The following TRPC6 variants were observed in gnomAD, a reference collection of about 807,000 sequenced individuals.
TRPC6 encodes the protein transient receptor potential cation channel subfamily C member 6.
In TRPC6, 55 loss-of-function variants were observed where a neutral mutation model predicts 90.7. That is an observed-to-expected ratio of 0.61 (90% CI 0.49 to 0.76). The LOEUF is 0.76. TRPC6 is among the 30% of genes least tolerant of loss of function. TRPC6 has a pLI of 0.00. For missense variants in TRPC6, 989 were observed against 1,122.7 expected (o/e 0.88, Z 1.70); for synonymous variants, 393 against 393.0 (o/e 1.00, Z 0.00).
At chr11:101,581,209 T>C (rs971576434) in intron 1 of TRPC6, among the ~76,000 whole-genome samples, 4 of 152,240 alleles carry the variant, frequency 2.6e-5, no homozygotes, top group Non-Finnish European at 4.4e-5. Context: ...CAGTTCTATT[T>C]ATTAAGAATA....
intron 1 of TRPC6, among the ~76,000 whole-genome samples, chr11:101,556,028 G>A (rs1861553402): frequency 6.6e-6 from 1 of 152,118 alleles, no homozygotes; most frequent in Non-Finnish European, 1.5e-5. Context: ...GCAAATGAAA[G>A]TGGAAACACA....
chr11:101,540,593 G>A (rs1861146151), intron 1 of TRPC6, among the ~76,000 whole-genome samples: 1 of 152,012 alleles, frequency 6.6e-6, no homozygotes. Flanking sequence ...ATAATTCAGA[G>A]GTCACAGCCA....
intron 2 of TRPC6, among the ~76,000 whole-genome samples, chr11:101,502,585 A>G (rs1438998245): frequency 6.6e-6 from 1 of 152,246 alleles, no homozygotes; most frequent in Non-Finnish European, 1.5e-5. Context: ...GATTTTGAAA[A>G]TAATTAATAT....
At chr11:101,535,035 G>A (rs568407465) in intron 1 of TRPC6, among the ~76,000 whole-genome samples, 8 of 152,012 alleles carry the variant, frequency 5.3e-5, no homozygotes, top group South Asian at 2.1e-4. Flanking sequence ...GCATGGTAGC[G>A]CATGCCTCTA....
At chr11:101,468,207 C>T (rs894838375) in intron 10 of TRPC6, among the ~76,000 whole-genome samples, 1 of 152,094 alleles carries the variant, frequency 6.6e-6, no homozygotes, top group African/African-American at 2.4e-5. Context: ...GCCCTTCTCA[C>T]CTGTAATATT....
chr11:101,476,604 T>C (rs1859423238), intron 5 of TRPC6, 70 bp from the exon 6 acceptor site: 2 of 1,394,206 alleles, frequency 1.4e-6, no homozygotes, highest in African/African-American at 1.4e-5. Flanking sequence ...AAACAAAATA[T>C]GTTTGAAAGG....
rs138468235 is a variant in TRPC6, at chr11:101,491,421, G to A, written c.1128+135C>T. On this transcript the variant is annotated intron_variant, in intron 3 of 12. Transcript: ENST00000344327. Reference sequence around the variant, plus strand: ...TGCACTCCAGACTGGGCGACAGAGCGAGACTCCATCTCAAAAAAAAAAAAA... The same window carrying A: ...TGCACTCCAGACTGGGCGACAGAGCAAGACTCCATCTCAAAAAAAAAAAAA... 1,411 of 1,165,274 alleles carry A rather than the reference G, an allele frequency of 1.2e-3. 10 individuals carry two copies. The African/African-American group carries it at 0.016, about 13-fold the overall frequency. The allele number at this position is 1,165,274 out of a possible 1,614,324, so 72.2% of individuals were successfully genotyped here.
chr11:101,484,594 TA>T (rs1859630997), intron 4 of TRPC6, among the ~76,000 whole-genome samples: 2 of 105,696 alleles, frequency 1.9e-5, no homozygotes, highest in African/African-American at 4.1e-5. Context: ...TCTCTCATGC[TA>T]TGTGTGTGTG....
intron 1 of TRPC6, among the ~76,000 whole-genome samples, chr11:101,546,353 TGAGCC>T (rs1417938095): frequency 2.1e-4 from 14 of 65,622 alleles, no homozygotes; most frequent in Admixed American, 3.6e-4. Flanking sequence ...ATTACAGGCG[TGAGCC>T]ACCGCACCCG....
In TRPC6 at chr11:101,455,077, T is replaced by A. The variant is rs1485564052; in HGVS notation, c.2509A>T (p.Ile837Leu). The A allele has an allele frequency of 3.1e-6, 5 of 1,612,560 alleles. No homozygotes were observed. The highest frequency in any genetic ancestry group is 2.5e-6 in the Non-Finnish European group (3 of 1,179,016). ...AGATGGAAATCTTCTGAGCTCCTTA[T>A]ACTTGGTTGTTTATTGTGCCCAACC... ...KQVGHNKQPS[I>L]RSSEDFHLNS... Residue 837 changes from isoleucine (I) to leucine (L), a missense_variant, in exon 11 of 13, where the codon ATA (isoleucine) becomes TTA (leucine). Physicochemically the swap from Ile to Leu is conservative, Grantham distance 5 (BLOSUM62 2). Coordinates refer to ENST00000344327, the MANE Select transcript of TRPC6 (RefSeq NM_004621.6).
At chr11:101,511,942 G>T (rs1423564627) in intron 1 of TRPC6, among the ~76,000 whole-genome samples, 1 of 152,046 alleles carries the variant, frequency 6.6e-6, no homozygotes, top group Admixed American at 6.6e-5. Context: ...GCAGTGAGCC[G>T]AGATCACGCC....
At chr11:101,489,653 G>A (rs973815643) in intron 3 of TRPC6, among the ~76,000 whole-genome samples, 1 of 150,572 alleles carries the variant, frequency 6.6e-6, no homozygotes, top group African/African-American at 2.4e-5. Flanking sequence ...TTTTTTGAGG[G>A]AATCTTTAAG....
chr11:101,522,652 ATTGT>A (rs1860688735), intron 1 of TRPC6, among the ~76,000 whole-genome samples: 2 of 151,994 alleles, frequency 1.3e-5, no homozygotes, highest in South Asian at 4.2e-4. Flanking sequence ...TATCTTGTTT[ATTGT>A]TTGTCTCTTT....
At chr11:101,464,154 G>C (rs1278811034) in intron 10 of TRPC6, among the ~76,000 whole-genome samples, 1 of 152,168 alleles carries the variant, frequency 6.6e-6, no homozygotes, top group East Asian at 1.9e-4. Context: ...TGTGGTCTGA[G>C]AGACCATTTT....
intron 1 of TRPC6, among the ~76,000 whole-genome samples, chr11:101,516,919 C>T (rs1363660474): frequency 6.6e-6 from 1 of 152,258 alleles, no homozygotes; most frequent in East Asian, 1.9e-4. Flanking sequence ...AACTCTTCCA[C>T]ATTGCCTTTA....
chr11:101,483,692 T>A (rs1384026140), intron 4 of TRPC6, among the ~76,000 whole-genome samples: 1 of 152,154 alleles, frequency 6.6e-6, no homozygotes, highest in Non-Finnish European at 1.5e-5. Context: ...AACTCCCAGC[T>A]GAGGACAGGG....
At chr11:101,546,452 G>A (rs975533347) in intron 1 of TRPC6, among the ~76,000 whole-genome samples, 5 of 152,102 alleles carry the variant, frequency 3.3e-5, no homozygotes, top group African/African-American at 4.8e-5. Flanking sequence ...GAGGTTCCTC[G>A]GTAACAAGTT....
chr11:101,519,330 C>A (rs895603207), intron 1 of TRPC6, among the ~76,000 whole-genome samples: 2 of 152,010 alleles, frequency 1.3e-5, no homozygotes, highest in Non-Finnish European at 1.5e-5. Flanking sequence ...TATGTACCCA[C>A]AAAAATTTTT....
intron 9 of TRPC6, among the ~76,000 whole-genome samples, 154 bp from the exon 10 acceptor site, chr11:101,469,655 A>G (rs1485129720): frequency 2.0e-5 from 3 of 152,204 alleles, no homozygotes; most frequent in African/African-American, 4.8e-5. Context: ...GCTTGCTTAG[A>G]CATTTCCTTT....
Sources: allele counts gnomAD v4.1 joint callset (sites outside exome capture counted in the v4.1 genomes callset), GRCh38; gene constraint gnomAD v4.1.1; transcripts MANE v1.5; gene names NCBI Gene and HGNC (gene_info 2026-07-23, HGNC 2026-07-21).